RANBP2: variants seen among roughly 807,000 people sequenced by gnomAD.
RANBP2 encodes RAN binding protein 2.
Under a neutral mutation model 303.6 loss-of-function variants are expected in RANBP2, and 57 were observed. The observed-to-expected ratio is 0.19, with a 90% CI of 0.15 to 0.23. The LOEUF is 0.23. Among genes scored for constraint, RANBP2 ranks in the 10% least tolerant of loss-of-function variants. The pLI is 1.00. For missense variants in RANBP2, 3,138 were observed against 3,780.8 expected, an observed-to-expected ratio of 0.83 and a Z score of 4.46; for synonymous variants, 1,167 against 1,301.5, an observed-to-expected ratio of 0.90 and a Z score of 2.23.
the RANBP2 span, among the ~76,000 whole-genome samples, chr2:109,144,513 GA>G: frequency 6.6e-6 from 1 of 152,240 alleles, no homozygotes; most frequent in South Asian, 2.1e-4. Flanking sequence ...GGCTTTGTAT[GA>G]GGGAAGAGTT....
the RANBP2 span, among the ~76,000 whole-genome samples, chr2:108,918,815 G>A: frequency 6.6e-6 from 1 of 152,188 alleles, no homozygotes; most frequent in Non-Finnish European, 1.5e-5. Context: ...TTAGAGGCTG[G>A]CTGGGATTCT....
the RANBP2 span, among the ~76,000 whole-genome samples, chr2:108,846,289 G>A: frequency 1.3e-5 from 2 of 152,054 alleles, no homozygotes; most frequent in Admixed American, 6.6e-5. Context: ...TTTTTAAGTT[G>A]ATAAAATTGT....
At chr2:108,997,313 C>T in the RANBP2 span, among the ~76,000 whole-genome samples, 3 of 151,882 alleles carry the variant, frequency 2.0e-5, no homozygotes, top group Non-Finnish European at 2.9e-5. Flanking sequence ...TGGCGGCGTG[C>T]GCCTGTAGTC....
the RANBP2 span, among the ~76,000 whole-genome samples, chr2:108,829,919 G>C: frequency 6.6e-6 from 1 of 152,096 alleles, no homozygotes; most frequent in Non-Finnish European, 1.5e-5. Context: ...TTTACTTCTG[G>C]ATATATATTC....
the RANBP2 span, among the ~76,000 whole-genome samples, chr2:109,036,486 C>T: frequency 5.7e-4 from 87 of 152,204 alleles, no homozygotes; most frequent in African/African-American, 1.9e-3. Flanking sequence ...AAATTATATA[C>T]ACCATGATGA....
the RANBP2 span, among the ~76,000 whole-genome samples, chr2:109,720,856 C>G: frequency 1.1e-4 from 17 of 152,226 alleles, no homozygotes; most frequent in Non-Finnish European, 2.4e-4. Context: ...AAAGCCCTCC[C>G]TCTCCTGATT....
the RANBP2 span, among the ~76,000 whole-genome samples, chr2:108,908,642 C>T: frequency 1.3e-5 from 2 of 152,216 alleles, no homozygotes; most frequent in African/African-American, 2.4e-5. Flanking sequence ...CCCTGTGGCT[C>T]ACAGCCCACA....
At chr2:109,460,106 G>A in the RANBP2 span, among the ~76,000 whole-genome samples, 2 of 152,316 alleles carry the variant, frequency 1.3e-5, no homozygotes, top group Admixed American at 1.3e-4. Context: ...ATGCACACGA[G>A]CCCATTGCTG....
the RANBP2 span, among the ~76,000 whole-genome samples, chr2:109,378,879 AT>A: frequency 8.5e-5 from 13 of 152,130 alleles, no homozygotes; most frequent in Non-Finnish European, 1.8e-4. Flanking sequence ...GTTCCCTCAT[AT>A]GAATGCCCTG....
At chr2:109,248,268 T>C in the RANBP2 span, among the ~76,000 whole-genome samples, 6 of 152,248 alleles carry the variant, frequency 3.9e-5, no homozygotes, top group African/African-American at 1.4e-4. Flanking sequence ...TCTCAATCTT[T>C]TTCTTTTCTG....
chr2:109,390,057 G>A, the RANBP2 span, among the ~76,000 whole-genome samples: 7 of 152,142 alleles, frequency 4.6e-5, no homozygotes, highest in South Asian at 4.1e-4. Flanking sequence ...AGAAATCCAC[G>A]TGCAGCACAC....
At chr2:109,324,112 T>C in the RANBP2 span, among the ~76,000 whole-genome samples, 2 of 152,232 alleles carry the variant, frequency 1.3e-5, no homozygotes, top group Non-Finnish European at 2.9e-5. Flanking sequence ...ATTTTCAAGG[T>C]TCGTCTTGGT....
the RANBP2 span, among the ~76,000 whole-genome samples, chr2:109,610,473 G>A: frequency 2.0e-5 from 3 of 152,056 alleles, no homozygotes; most frequent in Non-Finnish European, 4.4e-5. Context: ...CCAACACTTC[G>A]GGAGACTGAG....
At chr2:109,253,932 T>G in the RANBP2 span, among the ~76,000 whole-genome samples, 1 of 152,078 alleles carries the variant, frequency 6.6e-6, no homozygotes. Context: ...TTAATTCCCC[T>G]TCCACAGCTC....
chr2:109,162,950 A>G, the RANBP2 span, among the ~76,000 whole-genome samples: 1 of 152,150 alleles, frequency 6.6e-6, no homozygotes, highest in Admixed American at 6.5e-5. Flanking sequence ...AGATAGCTGA[A>G]ATTGTCACCT....
the RANBP2 span, among the ~76,000 whole-genome samples, chr2:109,601,967 A>G: frequency 6.6e-6 from 1 of 152,322 alleles, no homozygotes; most frequent in African/African-American, 2.4e-5. Flanking sequence ...TTCCCGAGGG[A>G]AAAACCAGGA....
downstream of RANBP2, chr2:108,788,014 TTTTC>T (rs749347023): frequency 7.8e-5 from 116 of 1,491,764 alleles, no homozygotes; most frequent in Middle Eastern, 2.2e-4. Context: ...AAATTAAATC[TTTTC>T]TTTTTTTTTT....
the RANBP2 span, among the ~76,000 whole-genome samples, chr2:109,553,636 T>A: frequency 6.6e-6 from 1 of 151,754 alleles, no homozygotes; most frequent in Non-Finnish European, 1.5e-5. Flanking sequence ...GCAGATCACC[T>A]GAGGTCAGGA....
chr2:109,405,141 G>A, the RANBP2 span, among the ~76,000 whole-genome samples: 1 of 151,920 alleles, frequency 6.6e-6, no homozygotes, highest in Non-Finnish European at 1.5e-5. Context: ...TCACCTGCCA[G>A]CACCTCTTTT....
Sources: allele counts gnomAD v4.1 joint callset (sites outside exome capture counted in the v4.1 genomes callset), GRCh38; gene constraint gnomAD v4.1.1; transcripts MANE v1.5; gene names NCBI Gene and HGNC (gene_info 2026-07-23, HGNC 2026-07-21).